Variants in TMEM171 observed in about 807,000 individuals in gnomAD.
TMEM171 encodes proline-rich protein PRP2.
A neutral mutation model predicts 19.1 loss-of-function variants in TMEM171; 16 were observed. The observed-to-expected ratio is 0.84, with a 90% confidence interval of 0.57 to 1.27. The LOEUF is 1.27. Among genes scored for constraint, TMEM171 ranks in the 50% most tolerant of loss-of-function variants. The pLI, the probability that TMEM171 is intolerant of heterozygous loss-of-function variation, is 0.00. For missense variants in TMEM171, 429 were observed against 412.7 expected, an observed-to-expected ratio of 1.04 and a Z score of -0.34; for synonymous variants, 153 against 163.4, an observed-to-expected ratio of 0.94 and a Z score of 0.48.
chr5:73,128,611 GC>G, intron 3 of TMEM171, 80 bp downstream of exon 3: 1 of 1,525,176 alleles, frequency 6.6e-7, no homozygotes, highest in Non-Finnish European at 8.9e-7. Flanking sequence ...TCACCAGGAG[GC>G]ATTCAAGTGT....
intron 2 of TMEM171, among the ~76,000 whole-genome samples, chr5:73,124,722 C>T (rs1478462017): frequency 2.0e-5 from 3 of 152,126 alleles, no homozygotes; most frequent in Admixed American, 6.5e-5. Context: ...ACCTTTCTCC[C>T]GTGGAATGCC....
At chr5:73,129,705 C>T (rs1026814319) in intron 3 of TMEM171, among the ~76,000 whole-genome samples, 1 of 152,206 alleles carries the variant, frequency 6.6e-6, no homozygotes, top group Admixed American at 6.5e-5. Context: ...GAGGCCCCTG[C>T]TATGCTAGGC....
At chr5:73,121,101 T>G (rs971252692) in intron 1 of TMEM171, among the ~76,000 whole-genome samples, 5 of 152,048 alleles carry the variant, frequency 3.3e-5, no homozygotes, top group African/African-American at 1.2e-4. Context: ...AGTGCATCTG[T>G]GGGAGAAGGA....
chr5:73,128,202 AGCCCCTG>A (rs1744231816), intron 2 of TMEM171, among the ~76,000 whole-genome samples, 181 bp from the exon 3 acceptor site: 1 of 152,096 alleles, frequency 6.6e-6, no homozygotes, highest in African/African-American at 2.4e-5. Flanking sequence ...AACCCCTCCT[AGCCCCTG>A]GTAACCTAGT....
At chr5:73,131,224 A>AGTGTGTGTGTGT (rs56793908) in intron 3 of TMEM171, among the ~76,000 whole-genome samples, 10 of 149,858 alleles carry the variant, frequency 6.7e-5, no homozygotes, top group African/African-American at 2.2e-4. Context: ...GAGAACAGTA[A>AGTGTGTGTGTGT]GTGTGTGTGT....
At chr5:73,129,016 G>T (rs143395392) in intron 3 of TMEM171, among the ~76,000 whole-genome samples, 1 of 152,192 alleles carries the variant, frequency 6.6e-6, no homozygotes, top group South Asian at 2.1e-4. Flanking sequence ...TCGATTGAAC[G>T]CAAGAGACAG....
intron 2 of TMEM171, among the ~76,000 whole-genome samples, chr5:73,126,397 G>A (rs971995150): frequency 1.3e-5 from 2 of 152,176 alleles, no homozygotes; most frequent in African/African-American, 2.4e-5. Context: ...AGGGGAGATG[G>A]AATTAATGCA....
At chr5:73,125,182 ATATT>A (rs1322788881) in intron 2 of TMEM171, among the ~76,000 whole-genome samples, 1 of 152,180 alleles carries the variant, frequency 6.6e-6, no homozygotes, top group Non-Finnish European at 1.5e-5. Flanking sequence ...ATTTATTAAT[ATATT>A]TATGCATTAA....
At chr5:73,126,500 T>A (rs1305984456) in intron 2 of TMEM171, among the ~76,000 whole-genome samples, 1 of 152,216 alleles carries the variant, frequency 6.6e-6, no homozygotes, top group Non-Finnish European at 1.5e-5. Flanking sequence ...ATTGCCTCTG[T>A]GGTGTTTCTT....
At chr5:73,121,979 A>G (rs1490505658) in intron 1 of TMEM171, among the ~76,000 whole-genome samples, 1 of 152,258 alleles carries the variant, frequency 6.6e-6, no homozygotes, top group Non-Finnish European at 1.5e-5. Flanking sequence ...TCATTGGAGT[A>G]AAATAAGATA....
chr5:73,129,052 G>A (rs754350002), intron 3 of TMEM171, among the ~76,000 whole-genome samples: 12 of 152,168 alleles, frequency 7.9e-5, no homozygotes, highest in Admixed American at 1.3e-4. Context: ...TGTTACCGGC[G>A]GAGGGTGTCC....
Position 73,123,896 on chromosome 5 carries a change from TTG to T in TMEM171, c.527_528del (p.Cys176PhefsTer8). ...GGGGCCCTTGATTGTGCTTGTGGGA[TTG>T]TGTTTCTTCGTGGTTGCCCATGTTA... is the stretch of plus-strand genomic sequence containing the variant. ...IMGPLIVLVGLCFFVVAHVKK... is the reference protein window; with the variant it reads ...IMGPLIVLVGXCFFVVAHVKK... On this transcript the variant is annotated frameshift_variant, in exon 2 of 4. Coordinates refer to ENST00000454765, the MANE Select transcript of TMEM171 (RefSeq NM_173490.8). LOFTEE classifies it high-confidence loss of function. 6.2e-7 allele frequency: 1 copy of T among 1,614,060 alleles called. No individual in the cohort carries two copies.
At chr5:73,121,329 A>T (rs1744002983) in intron 1 of TMEM171, among the ~76,000 whole-genome samples, 1 of 152,198 alleles carries the variant, frequency 6.6e-6, no homozygotes, top group Admixed American at 6.5e-5. Flanking sequence ...TGCAGCCGAG[A>T]ATCACCCTTC....
At chr5:73,128,967 C>T (rs1175425166) in intron 3 of TMEM171, among the ~76,000 whole-genome samples, 1 of 152,098 alleles carries the variant, frequency 6.6e-6, no homozygotes, top group Non-Finnish European at 1.5e-5. Flanking sequence ...GTGGTAGGCA[C>T]CTGTAATCCT....
chr5:73,130,039 C>G (rs1435705317), intron 3 of TMEM171, among the ~76,000 whole-genome samples: 1 of 151,756 alleles, frequency 6.6e-6, no homozygotes, highest in Non-Finnish European at 1.5e-5. Context: ...GGGTGAGTGA[C>G]AGGGAAGCTC....
chr5:73,121,444 A>G lies in TMEM171; in HGVS notation c.-69+748A>G, dbSNP rs529441388. 3.3e-5 allele frequency among the ~76,000 whole-genome samples: 5 copies of G among 152,336 alleles called. No homozygotes were observed. The South Asian group carries it at 1.0e-3, about 32-fold the overall frequency. On this transcript the variant is annotated intron_variant, in intron 1 of 3. Transcript: ENST00000454765. ...ATATATATAGGTTTCAGGACTCTCC[A>G]TCGTTTCATTCCACTGAGAGTTTTG...
chr5:73,129,254 T>C (rs1322034199), intron 3 of TMEM171, among the ~76,000 whole-genome samples: 3 of 152,178 alleles, frequency 2.0e-5, no homozygotes, highest in Admixed American at 1.3e-4. Context: ...GGTTTCCCAT[T>C]GGCCACTTTG....
chr5:73,123,589 GGCTGTGATCCTGGCCCGCTCCC>G lies in TMEM171; in HGVS notation c.218_239del (p.Ala73GlyfsTer41). ...CTGCATGTGCCGTGGTTGGGCTTGG[GGCTGTGATCCTGGCCCGCTCCC>G]GGGCGCAACTTCAGCTCCGTGCAGG... On this transcript the variant is annotated frameshift_variant, in exon 2 of 4. Transcript: ENST00000454765. LOFTEE classifies it high-confidence loss of function. 5 of 1,614,234 alleles carry G rather than the reference GGCTGTGATCCTGGCCCGCTCCC, an allele frequency of 3.1e-6. No homozygotes were observed. Among genetic ancestry groups the G allele is most frequent in the Non-Finnish European group, 2.5e-6 (3 of 1,180,050 alleles).
chr5:73,125,862 A>C (rs1334149617), intron 2 of TMEM171, among the ~76,000 whole-genome samples: 1 of 152,166 alleles, frequency 6.6e-6, no homozygotes, highest in African/African-American at 2.4e-5. Context: ...TTGCATCCTA[A>C]TTCCTCTCCT....
Sources: gnomAD v4.1 joint callset for allele counts (sites outside exome capture counted in the v4.1 genomes callset) on GRCh38, gnomAD v4.1.1 for gene constraint, MANE v1.5 for transcripts, NCBI Gene and HGNC (gene_info 2026-07-23, HGNC 2026-07-21) for gene names.